Variants in ST6GALNAC3 observed in about 807,000 individuals in gnomAD.
ST6GALNAC3 encodes the protein ST6 N-acetylgalactosaminide alpha-2,6-sialyltransferase 3, also known as alpha-N-acetylgalactosaminide alpha-2,6-sialyltransferase 3.
ST6GALNAC3 carries 25 observed loss-of-function variants against 32.7 expected under a neutral mutation model. The observed-to-expected ratio is 0.76, with a 90% CI of 0.56 to 1.07. ST6GALNAC3 has a LOEUF of 1.07. Among genes scored for constraint, ST6GALNAC3 ranks in the 50% least tolerant of loss-of-function variants. The pLI, the probability that ST6GALNAC3 is intolerant of heterozygous loss-of-function variation, is 0.00. For missense variants in ST6GALNAC3, 355 were observed against 382.4 expected (o/e 0.93, Z 0.60); for synonymous variants, 129 against 133.1 (o/e 0.97, Z 0.21).
intron 3 of ST6GALNAC3, among the ~76,000 whole-genome samples, chr1:76,471,319 A>G (rs1327024750): frequency 6.6e-6 from 1 of 152,070 alleles, no homozygotes; most frequent in Non-Finnish European, 1.5e-5. Context: ...CTTAACATGA[A>G]CCTATCTTAA....
At chr1:76,415,478 A>G (rs997278117) in intron 3 of ST6GALNAC3, among the ~76,000 whole-genome samples, 4 of 151,960 alleles carry the variant, frequency 2.6e-5, no homozygotes, top group African/African-American at 9.7e-5. Flanking sequence ...ATAGGCGTCC[A>G]CTATTATTAA....
chr1:76,385,254 T>C (rs1339430692), intron 2 of ST6GALNAC3, among the ~76,000 whole-genome samples: 1 of 152,136 alleles, frequency 6.6e-6, no homozygotes, highest in African/African-American at 2.4e-5. Context: ...GAGACTTCTT[T>C]CCTCCAAAAA....
chr1:76,251,808 C>T (rs937395802), intron 1 of ST6GALNAC3, among the ~76,000 whole-genome samples: 3 of 152,084 alleles, frequency 2.0e-5, no homozygotes, highest in Non-Finnish European at 4.4e-5. Flanking sequence ...CTACACCATA[C>T]CTCCATCTAT....
At chr1:76,423,317 T>A (rs1021100976) in intron 3 of ST6GALNAC3, among the ~76,000 whole-genome samples, 1 of 152,004 alleles carries the variant, frequency 6.6e-6, no homozygotes, top group African/African-American at 2.4e-5. Flanking sequence ...ATGTTAGAAA[T>A]GGATAACTAG....
chr1:76,082,895 G>A (rs1411136776), intron 1 of ST6GALNAC3, among the ~76,000 whole-genome samples: 1 of 151,406 alleles, frequency 6.6e-6, no homozygotes. Context: ...TTTTAAAGGT[G>A]TGTTTCTCTG....
chr1:76,126,278 C>G (rs1468705887), intron 1 of ST6GALNAC3, among the ~76,000 whole-genome samples: 2 of 152,150 alleles, frequency 1.3e-5, no homozygotes, highest in African/African-American at 2.4e-5. Context: ...TTATTTCCCT[C>G]TTTCTCTCAT....
chr1:76,277,170 A>G (rs1239736456), intron 1 of ST6GALNAC3, among the ~76,000 whole-genome samples: 3 of 152,160 alleles, frequency 2.0e-5, no homozygotes, highest in Non-Finnish European at 4.4e-5. Flanking sequence ...AAATTATCAA[A>G]CTATTCCTTA....
chr1:76,165,186 T>C (rs1652043781), intron 1 of ST6GALNAC3, among the ~76,000 whole-genome samples: 2 of 152,100 alleles, frequency 1.3e-5, no homozygotes, highest in Admixed American at 6.6e-5. Context: ...CTTCCTCTGA[T>C]AGGCCCCAGT....
chr1:76,121,299 C>T (rs910901926), intron 1 of ST6GALNAC3, among the ~76,000 whole-genome samples: 5 of 152,220 alleles, frequency 3.3e-5, no homozygotes, highest in Non-Finnish European at 7.3e-5. Context: ...CTGGGATCTC[C>T]ACCACCACCA....
At chr1:76,605,146 G>A (rs758850179) in intron 3 of ST6GALNAC3, among the ~76,000 whole-genome samples, 5 of 152,198 alleles carry the variant, frequency 3.3e-5, no homozygotes, top group Non-Finnish European at 5.9e-5. Flanking sequence ...AGTACAACGT[G>A]TTAGGTTATA....
intron 1 of ST6GALNAC3, among the ~76,000 whole-genome samples, chr1:76,163,356 G>A (rs907994986): frequency 3.3e-5 from 5 of 152,190 alleles, no homozygotes; most frequent in Admixed American, 2.6e-4. Flanking sequence ...TAACAAATAT[G>A]TAATGCTTGT....
intron 3 of ST6GALNAC3, among the ~76,000 whole-genome samples, chr1:76,535,095 G>A (rs986661579): frequency 6.6e-6 from 1 of 152,172 alleles, no homozygotes; most frequent in African/African-American, 2.4e-5. Context: ...ACTCAAGGCA[G>A]TAGGGCATGG....
intron 2 of ST6GALNAC3, among the ~76,000 whole-genome samples, chr1:76,325,132 T>A (rs112232875): frequency 1.3e-5 from 2 of 152,188 alleles, no homozygotes; most frequent in African/African-American, 2.4e-5. Context: ...AAGGTTGGAA[T>A]TGTCATTGAC....
intron 2 of ST6GALNAC3, among the ~76,000 whole-genome samples, chr1:76,340,384 T>C (rs1367166441): frequency 6.6e-6 from 1 of 152,220 alleles, no homozygotes; most frequent in Non-Finnish European, 1.5e-5. Flanking sequence ...AGGGACATCA[T>C]TGCTGCTGTA....
intron 3 of ST6GALNAC3, among the ~76,000 whole-genome samples, chr1:76,430,278 T>C (rs1026093815): frequency 2.0e-5 from 3 of 152,164 alleles, no homozygotes; most frequent in African/African-American, 7.2e-5. Flanking sequence ...TTAATCTTCC[T>C]AAATCACTTT....
At chr1:76,585,468 A>G (rs1339333605) in intron 3 of ST6GALNAC3, among the ~76,000 whole-genome samples, 3 of 152,130 alleles carry the variant, frequency 2.0e-5, no homozygotes, top group Non-Finnish European at 4.4e-5. Context: ...CATAAGAGGA[A>G]GAACAACACC....
chr1:76,514,209 A>T (rs1383943613), intron 3 of ST6GALNAC3, among the ~76,000 whole-genome samples: 1 of 152,104 alleles, frequency 6.6e-6, no homozygotes, highest in Admixed American at 6.6e-5. Context: ...TGGGTTTGTC[A>T]TATGTGGCCT....
intron 3 of ST6GALNAC3, among the ~76,000 whole-genome samples, chr1:76,572,289 G>A (rs1646714075): frequency 6.6e-6 from 1 of 151,968 alleles, no homozygotes; most frequent in African/African-American, 2.4e-5. Context: ...AGAGAATATA[G>A]TTAACTTAGG....
chr1:76,309,939 T>C (rs1161375652), intron 1 of ST6GALNAC3: 2 of 479,812 alleles, frequency 4.2e-6, no homozygotes, highest in East Asian at 1.2e-4. Context: ...TGTTTTGAAA[T>C]TTCTCTCAAA....
Sources: gnomAD v4.1 joint callset for allele counts (sites outside exome capture counted in the v4.1 genomes callset) on GRCh38, gnomAD v4.1.1 for gene constraint, MANE v1.5 for transcripts, NCBI Gene and HGNC (gene_info 2026-07-23, HGNC 2026-07-21) for gene names.